SHTN1: variants seen among roughly 807,000 people sequenced by gnomAD.
SHTN1 encodes the protein shootin-1.
SHTN1 carries 42 observed loss-of-function variants against 83.1 expected under a neutral mutation model. The observed-to-expected ratio is 0.51, with a 90% CI of 0.39 to 0.65. SHTN1 has a LOEUF of 0.65. SHTN1 is among the 30% of genes least tolerant of loss of function. The pLI is 0.00. For missense variants in SHTN1, 622 were observed against 737.8 expected (o/e 0.84, Z 1.82); for synonymous variants, 224 against 247.7 (o/e 0.90, Z 0.90).
At chr10:117,094,057 G>A (rs1202341847) in intron 1 of SHTN1, among the ~76,000 whole-genome samples, 1 of 152,170 alleles carries the variant, frequency 6.6e-6, no homozygotes, top group Non-Finnish European at 1.5e-5. Flanking sequence ...CCCTGACTCA[G>A]AAGCATCACA....
chr10:117,007,023 TAC>T (rs1416658942), upstream of SHTN1, among the ~76,000 whole-genome samples: 62 of 152,106 alleles, frequency 4.1e-4, no homozygotes, highest in Non-Finnish European at 7.4e-5. Flanking sequence ...TATTTTTTAA[TAC>T]AGTGTATTAA....
intron 1 of SHTN1, among the ~76,000 whole-genome samples, chr10:117,081,729 T>C (rs1363685977): frequency 6.7e-6 from 1 of 148,814 alleles, no homozygotes; most frequent in Non-Finnish European, 1.5e-5. Flanking sequence ...TATTGGTCTA[T>C]TCAGAGATTC....
intron 3 of SHTN1, among the ~76,000 whole-genome samples, chr10:116,963,035 G>GTTTTTTTTTTTTTTT (rs71013628): frequency 2.2e-5 from 1 of 45,262 alleles, no homozygotes; most frequent in African/African-American, 7.1e-5. Context: ...AATAATAAAA[G>GTTTTTTTTTTTTTTT]TTTTTTTTTT....
intron 1 of SHTN1, among the ~76,000 whole-genome samples, chr10:116,986,261 A>C (rs10787734): frequency 0.96 from 145,945 of 152,206 alleles, 70,272 homozygotes; most frequent in Non-Finnish European, 1. Flanking sequence ...TTCCTAAGAT[A>C]TATCAAATAA....
intron 1 of SHTN1, among the ~76,000 whole-genome samples, chr10:117,052,845 C>T (rs1325064505): frequency 2.7e-5 from 4 of 150,826 alleles, no homozygotes; most frequent in Non-Finnish European, 5.9e-5. Flanking sequence ...TGGTGAAACC[C>T]TGTCTCTACA....
In SHTN1 at chr10:117,100,673, C is replaced by T. The variant is rs1404383802; in HGVS notation, c.-189+25634G>A. Among the ~76,000 whole-genome samples, 3 of 152,296 alleles carry T rather than the reference C, an allele frequency of 2.0e-5. No individual in the cohort carries two copies. The East Asian group carries it at 5.8e-4, about 29-fold the overall frequency. On this transcript the variant is annotated intron_variant, in intron 1 of 17. Coordinates refer to the SHTN1 transcript ENST00000392901. The stretch of plus-strand genomic sequence containing the variant: ...GGCTGAAAGGTTACACTGTGCTTAT[C>T]CTCAAAGCAAAGGGCTCAATTTGGC...
At chr10:117,120,239 C>T (rs1438703682) in intron 1 of SHTN1, among the ~76,000 whole-genome samples, 1 of 151,150 alleles carries the variant, frequency 6.6e-6, no homozygotes, top group Non-Finnish European at 1.5e-5. Flanking sequence ...CCCATTTTTC[C>T]ATGATGTGAT....
rs1029196352 is a variant in SHTN1 at position 117,070,361 on chromosome 10, T to A, written c.-188-21851A>T. 3.3e-5 allele frequency among the ~76,000 whole-genome samples: 5 copies of A among 152,158 alleles called. No homozygotes were observed. The East Asian group carries it at 9.7e-4, about 29-fold the overall frequency. On this transcript the variant is annotated intron_variant, in intron 1 of 17. Transcript: ENST00000392901. ...CTAGTTTAAAACCACAGCCGGAGAT[T>A]TTCTTTTGAAGTCCCTATTGACTCT... is the stretch of plus-strand genomic sequence containing the variant.
chr10:116,890,716 CAA>C (rs1039148255), intron 16 of SHTN1, among the ~76,000 whole-genome samples: 109 of 152,316 alleles, frequency 7.2e-4, no homozygotes, highest in African/African-American at 2.3e-3. Context: ...GCCCCTACTG[CAA>C]GAGAGCCCAA....
intron 2 of SHTN1, among the ~76,000 whole-genome samples, chr10:117,019,208 G>T (rs541498602): frequency 1.0e-3 from 149 of 149,518 alleles, no homozygotes; most frequent in African/African-American, 3.5e-3. Flanking sequence ...TTTTCTTTGA[G>T]ACTAGATCTC....
At chr10:116,899,436 C>T (rs1847640463) in intron 16 of SHTN1, among the ~76,000 whole-genome samples, 1 of 151,022 alleles carries the variant, frequency 6.6e-6, no homozygotes, top group Non-Finnish European at 1.5e-5. Context: ...AGCGAAGGGC[C>T]TAGGGTGAAG....
chr10:116,888,891 GATTCTAGGAAAT>G (rs367685232), intron 16 of SHTN1, among the ~76,000 whole-genome samples: 4 of 152,352 alleles, frequency 2.6e-5, no homozygotes, highest in African/African-American at 9.6e-5. Flanking sequence ...CAGGTGAGGA[GATTCTAGGAAAT>G]AAAGCTGCAG....
At chr10:116,901,544 G>A (rs1214235707) in intron 16 of SHTN1, 1 of 985,142 alleles carries the variant, frequency 1.0e-6, no homozygotes, top group Non-Finnish European at 1.2e-6. Context: ...ACCAGTTTAG[G>A]GGAAGTAATT....
At chr10:116,999,869 C>T (rs531412716) in intron 1 of SHTN1, among the ~76,000 whole-genome samples, 18 of 152,200 alleles carry the variant, frequency 1.2e-4, no homozygotes, top group South Asian at 8.3e-4. Context: ...GCCGAGACCA[C>T]GCCATTGCAC....
upstream of SHTN1, among the ~76,000 whole-genome samples, chr10:117,009,616 A>G (rs944923110): frequency 6.6e-6 from 1 of 152,130 alleles, no homozygotes; most frequent in Non-Finnish European, 1.5e-5. Flanking sequence ...CTATAAACAT[A>G]TATACAAGCT....
At chr10:116,985,930 A>G (rs916848624) in intron 1 of SHTN1, among the ~76,000 whole-genome samples, 2 of 152,230 alleles carry the variant, frequency 1.3e-5, no homozygotes, top group African/African-American at 4.8e-5. Context: ...GCATTTGAAA[A>G]GCCATGGAAA....
chr10:117,029,957 T>G (rs1397359584), intron 2 of SHTN1, among the ~76,000 whole-genome samples: 2 of 150,606 alleles, frequency 1.3e-5, no homozygotes, highest in African/African-American at 4.9e-5. Context: ...TCAACTATCT[T>G]GGCTCACTGC....
chr10:116,963,636 T>C (rs1299086940), intron 3 of SHTN1, among the ~76,000 whole-genome samples: 2 of 152,198 alleles, frequency 1.3e-5, no homozygotes, highest in East Asian at 1.9e-4. Flanking sequence ...TAAAATGATA[T>C]GATGACTGGA....
intron 16 of SHTN1, among the ~76,000 whole-genome samples, chr10:116,896,801 CT>C (rs1230730641): frequency 0.024 from 2,896 of 121,680 alleles, 70 homozygotes; most frequent in African/African-American, 0.079. Context: ...TGATCAGGTA[CT>C]TTTTTTTTTT....
Sources: allele counts gnomAD v4.1 joint callset (sites outside exome capture counted in the v4.1 genomes callset), GRCh38; gene constraint gnomAD v4.1.1; transcripts MANE v1.5; gene names NCBI Gene and HGNC (gene_info 2026-07-23, HGNC 2026-07-21).